Variants in NBAS observed in about 807,000 individuals in gnomAD.
NBAS encodes NAG/BC035112 fusion.
In NBAS, 219 loss-of-function variants were observed where a neutral mutation model predicts 302.5. That is an observed-to-expected ratio of 0.72 (90% CI 0.65 to 0.81). The LOEUF is 0.81. Among genes scored for constraint, NBAS ranks in the 30% least tolerant of loss-of-function variants. The pLI is 0.00. For missense variants in NBAS, 2,932 were observed against 2,841.6 expected (o/e 1.03, Z -0.72); for synonymous variants, 1,118 against 1,021.6 (o/e 1.09, Z -1.80).
At chr2:15,415,792 G>A (rs1256316469) in intron 24 of NBAS, 73 bp from the exon 25 acceptor site, 18 of 1,514,734 alleles carry the variant, frequency 1.2e-5, no homozygotes, top group East Asian at 6.8e-5. Flanking sequence ...ATCAGACAGC[G>A]AGTTCTAAAG....
At chr2:15,167,358 T>C in intron 51 of NBAS, 35 bp from the exon 52 acceptor site, 2 of 1,611,948 alleles carry the variant, frequency 1.2e-6, no homozygotes, top group Non-Finnish European at 1.7e-6. Flanking sequence ...CGTGAGGGGG[T>C]GTTTGCTTTG....
Position 15,330,662 on chromosome 2 carries a change from A to G in NBAS, c.4283T>C (p.Val1428Ala), listed in dbSNP as rs774107762. 1.9e-6 allele frequency: 3 copies of G among 1,614,084 alleles called. No homozygotes were observed. Among genetic ancestry groups the G allele is most frequent in the Non-Finnish European group, 1.7e-6 (2 of 1,179,968 alleles). ...CTGCCCATCACTGACGGCCTGCAGC[A>G]CCGCTTTGGTGGTGGTTGTGGTGTT... ...LSNTTTTTKA[V>A]LQAVSDGQWW... Residue 1428 changes from valine (V) to alanine (A), a missense_variant, in exon 36 of 52, where the codon GTG becomes GCG. By Grantham distance (64) the Val-to-Ala change is moderately conservative (BLOSUM62 0). Coordinates refer to ENST00000281513, the MANE Select transcript of NBAS (RefSeq NM_015909.4).
At chr2:15,378,448 T>C (rs183132353) in intron 30 of NBAS, among the ~76,000 whole-genome samples, 104 of 152,258 alleles carry the variant, frequency 6.8e-4, no homozygotes, top group African/African-American at 2.4e-3. Flanking sequence ...CATAATACAA[T>C]TGAAGATGTG....
chr2:14,983,779 T>C, the NBAS span, among the ~76,000 whole-genome samples: 2 of 152,152 alleles, frequency 1.3e-5, no homozygotes, highest in Non-Finnish European at 2.9e-5. Context: ...TTTGGTCTTG[T>C]GAAGGAACAT....
intron 47 of NBAS, among the ~76,000 whole-genome samples, chr2:15,225,982 G>A (rs770380389): frequency 1.4e-4 from 22 of 152,162 alleles, no homozygotes; most frequent in Non-Finnish European, 2.5e-4. Context: ...GAGCTGGTTA[G>A]AAATGCAGAA....
chr2:15,081,691 T>C, the NBAS span, among the ~76,000 whole-genome samples: 1 of 152,280 alleles, frequency 6.6e-6, no homozygotes, highest in East Asian at 1.9e-4. Context: ...CGTGTGTAAT[T>C]ATGGTCAGGG....
intron 21 of NBAS, among the ~76,000 whole-genome samples, chr2:15,433,008 G>A (rs1490338872): frequency 1.3e-5 from 2 of 152,196 alleles, no homozygotes; most frequent in African/African-American, 2.4e-5. Flanking sequence ...AGAGACAAGA[G>A]TGAAAACAAC....
At chr2:15,252,220 C>T (rs1034090641) in intron 44 of NBAS, among the ~76,000 whole-genome samples, 7 of 152,270 alleles carry the variant, frequency 4.6e-5, no homozygotes, top group East Asian at 1.9e-4. Flanking sequence ...AACATAGCGC[C>T]GGGCACAGGG....
the NBAS span, among the ~76,000 whole-genome samples, chr2:15,094,224 G>T: frequency 1.3e-5 from 2 of 152,128 alleles, no homozygotes; most frequent in African/African-American, 4.8e-5. Flanking sequence ...GGCTATTAAG[G>T]TAACTGTTTG....
intron 25 of NBAS, among the ~76,000 whole-genome samples, chr2:15,408,845 AT>A (rs1432956825): frequency 6.6e-6 from 1 of 152,238 alleles, no homozygotes; most frequent in African/African-American, 2.4e-5. Context: ...GAGTTAATAC[AT>A]GTGAAATGTT....
intron 47 of NBAS, among the ~76,000 whole-genome samples, chr2:15,222,104 A>T (rs572663172): frequency 6.6e-6 from 1 of 152,388 alleles, no homozygotes; most frequent in Non-Finnish European, 1.5e-5. Flanking sequence ...GGCATGTAAT[A>T]CAATGTCTGG....
At chr2:15,481,295 G>C (rs1680417162) in intron 12 of NBAS, among the ~76,000 whole-genome samples, 1 of 152,164 alleles carries the variant, frequency 6.6e-6, no homozygotes. Flanking sequence ...ATATGTAGGT[G>C]CATGTATTTG....
the NBAS span, among the ~76,000 whole-genome samples, chr2:15,028,670 C>T: frequency 1.3e-5 from 2 of 152,136 alleles, no homozygotes; most frequent in South Asian, 4.1e-4. Flanking sequence ...CAAAAAGCTC[C>T]AGCTACTTTG....
intron 44 of NBAS, among the ~76,000 whole-genome samples, chr2:15,244,821 A>G (rs964091021): frequency 2.6e-5 from 4 of 152,220 alleles, no homozygotes; most frequent in Non-Finnish European, 5.9e-5. Flanking sequence ...GCTGTAGCAG[A>G]CAGTGGTTTC....
intron 9 of NBAS, among the ~76,000 whole-genome samples, chr2:15,531,615 T>G (rs541148847): frequency 1.3e-5 from 2 of 152,342 alleles, no homozygotes; most frequent in East Asian, 3.9e-4. Flanking sequence ...AGGCCCTGCA[T>G]GATTCAGCAC....
At chr2:14,961,591 T>G in the NBAS span, among the ~76,000 whole-genome samples, 1 of 152,172 alleles carries the variant, frequency 6.6e-6, no homozygotes, top group Non-Finnish European at 1.5e-5. Flanking sequence ...TAAAGTTCCT[T>G]TATTTATCAA....
At chr2:15,540,005 G>C (rs59088636) in intron 6 of NBAS, among the ~76,000 whole-genome samples, 1 of 151,974 alleles carries the variant, frequency 6.6e-6, no homozygotes, top group African/African-American at 2.4e-5. Flanking sequence ...ATTTTTTTCT[G>C]TTCTGAATTT....
At chr2:15,116,409 CAGAGAGAGAGAG>C in the NBAS span, among the ~76,000 whole-genome samples, 2 of 150,010 alleles carry the variant, frequency 1.3e-5, no homozygotes, top group South Asian at 2.1e-4. Context: ...CCCCACATGG[CAGAGAGAGAGAG>C]AGAGAGAGAG....
rs564505900 is a variant in NBAS at position 15,313,351 on chromosome 2, C to T, written c.4583-4104G>A. ...GAAATAGGTGTTTTATATCACTTAG[C>T]TCTATGTGTCTCAAAAATCCTGCAA... On this transcript the variant is annotated intron_variant, in intron 38 of 51. Transcript: ENST00000281513. 2.0e-3 allele frequency among the ~76,000 whole-genome samples: 312 copies of T among 152,280 alleles called. 1 individual carries two copies. The highest frequency in any genetic ancestry group is 7.1e-3 in the African/African-American group (296 of 41,546).
Sources: gnomAD v4.1 joint callset for allele counts (sites outside exome capture counted in the v4.1 genomes callset) on GRCh38, gnomAD v4.1.1 for gene constraint, MANE v1.5 for transcripts, NCBI Gene and HGNC (gene_info 2026-07-23, HGNC 2026-07-21) for gene names.